RABEP2: variants seen among roughly 807,000 people sequenced by gnomAD.
RABEP2 encodes rabaptin, RAB GTPase binding effector protein 2.
RABEP2 carries 57 observed loss-of-function variants against 74.1 expected under a neutral mutation model. The ratio of observed to expected loss-of-function variants is 0.77; its 90% CI spans 0.62 to 0.96. The LOEUF is 0.96. Among genes scored for constraint, RABEP2 ranks in the 40% least tolerant of loss-of-function variants. RABEP2 has a pLI of 0.00. For missense variants in RABEP2, 692 were observed against 756.3 expected (o/e 0.91, Z 1.00); for synonymous variants, 351 against 344.0 (o/e 1.02, Z -0.23).
intron 8 of RABEP2, 73 bp from the exon 9 acceptor site, chr16:28,906,269 G>C: frequency 6.8e-7 from 1 of 1,462,630 alleles, no homozygotes; most frequent in Non-Finnish European, 9.0e-7. Flanking sequence ...CAGCCAGACG[G>C]GGATTGTCGG....
At chr16:28,906,493 G>A (rs545363254) in intron 8 of RABEP2, among the ~76,000 whole-genome samples, 10 of 152,274 alleles carry the variant, frequency 6.6e-5, no homozygotes, top group East Asian at 3.9e-4. Context: ...TGCCGGGCGC[G>A]GTGGCTCACA....
At chr16:28,908,476 C>T (rs1596695395) in intron 8 of RABEP2, 133 bp downstream of exon 8, 21 of 909,840 alleles carry the variant, frequency 2.3e-5, no homozygotes, top group Non-Finnish European at 3.2e-5. Flanking sequence ...GGAAACTGAG[C>T]CTTAGAGAAG....
At chr16:28,915,293 A>C (rs1964376337) in intron 3 of RABEP2, among the ~76,000 whole-genome samples, 1 of 149,606 alleles carries the variant, frequency 6.7e-6, no homozygotes. Context: ...TCCAGGCCTC[A>C]AGTGATCCTC....
chr16:28,916,987 CAAA>C (rs568583339), intron 3 of RABEP2, among the ~76,000 whole-genome samples: 5 of 92,282 alleles, frequency 5.4e-5, no homozygotes, highest in African/African-American at 4.0e-5. Flanking sequence ...GACTCCATCT[CAAA>C]AAAAAAAAAA....
At position 28,904,971 on chromosome 16, in the gene RABEP2, G is replaced by GT. The variant is rs759294511; in HGVS notation, c.1681dup (p.Thr561AsnfsTer31). 5 of 1,612,820 alleles carry GT rather than the reference G, an allele frequency of 3.1e-6. No homozygotes were observed. The East Asian group carries it at 8.9e-5, about 29-fold the overall frequency. ...GGTGTCCTTGATGTCCCTGACGTCC[G>GT]TGAGTGGCGCCTCATCCATGATGCT... is the stretch of plus-strand genomic sequence containing the variant. On this transcript the variant is annotated frameshift_variant, in exon 13 of 13. Transcript: ENST00000358201. LOFTEE classifies it high-confidence loss of function.
At position 28,914,766 on chromosome 16, in the gene RABEP2, T is replaced by A; in HGVS notation, c.449A>T (p.Glu150Val). ...GGGCAGTACGATCTCCCGCAGCTTCTCCGAGTCCTCGTGGGCCTGGAGGGA... is the reference window on the plus strand; with the variant it reads ...GGGCAGTACGATCTCCCGCAGCTTCACCGAGTCCTCGTGGGCCTGGAGGGA... ...KQMEKAHEDS[E>V]KLREIVLPME... Residue 150 changes from glutamate to valine, a missense_variant, in exon 4 of 13, where the codon GAG becomes GTG. Physicochemically the swap from Glu to Val is moderately radical, Grantham distance 121 (BLOSUM62 -2). Transcript: ENST00000358201. 1.2e-6 allele frequency: 2 copies of A among 1,613,954 alleles called. No homozygotes were observed. Among genetic ancestry groups the A allele is most frequent in the East Asian group, 4.5e-5 (2 of 44,856 alleles).
At chr16:28,907,162 GT>G (rs58982936) in intron 8 of RABEP2, among the ~76,000 whole-genome samples, 43 of 127,922 alleles carry the variant, frequency 3.4e-4, no homozygotes, top group Non-Finnish European at 3.7e-4. Flanking sequence ...TTTTGCCTTT[GT>G]TTTTTTTTTT....
chr16:28,924,715 G>T, intron 1 of RABEP2, 100 bp from the exon 2 acceptor site: 2 of 1,139,584 alleles, frequency 1.8e-6, no homozygotes, highest in Non-Finnish European at 2.6e-6. Flanking sequence ...TTCATCTGGG[G>T]CCTCCTTCAC....
At chr16:28,922,633 G>A (rs1964481994) in intron 2 of RABEP2, among the ~76,000 whole-genome samples, 1 of 152,124 alleles carries the variant, frequency 6.6e-6, no homozygotes, top group Non-Finnish European at 1.5e-5. Context: ...GCTGAGGCAG[G>A]AGAATAGCAT....
chr16:28,910,028 CAAA>C (rs779404464), intron 7 of RABEP2, among the ~76,000 whole-genome samples: 5,990 of 68,942 alleles, frequency 0.087, 250 homozygotes, highest in African/African-American at 0.23. Flanking sequence ...GACTCCGTCT[CAAA>C]AAAAAAAAAA....
chr16:28,919,590 T>A (rs1421006385), intron 3 of RABEP2, 196 bp downstream of exon 3: 1 of 453,444 alleles, frequency 2.2e-6, no homozygotes, highest in African/African-American at 2.0e-5. Context: ...TAAGCGAACT[T>A]GGTCACCCAC....
chr16:28,925,187 C>A lies in RABEP2; in HGVS notation c.-24G>T, dbSNP rs1326729655. On this transcript the variant is annotated 5_prime_UTR_variant, in exon 1 of 13. Coordinates refer to ENST00000358201, the MANE Select transcript of RABEP2 (RefSeq NM_024816.3). ...ATTGCCTCAGCGCAAACGGCGGATT[C>A]CCGCACTCCCTGGTGACGGAGCGCA... 1.3e-6 allele frequency: 2 copies of A among 1,524,520 alleles called. No homozygotes were observed. Among genetic ancestry groups the A allele is most frequent in the East Asian group, 2.5e-5 (1 of 40,242 alleles). The allele number at this position is 1,524,520 out of a possible 1,614,324, so 94.4% of individuals were successfully genotyped here. A position where few individuals can be genotyped will look rare whatever the true frequency, so the allele number is the denominator to read the frequency against.
chr16:28,914,110 A>AG (rs1398499395), intron 5 of RABEP2, 126 bp downstream of exon 5: 8 of 757,960 alleles, frequency 1.1e-5, no homozygotes, highest in Admixed American at 3.0e-5. Flanking sequence ...CTTCACCAGG[A>AG]GGGGGGCCTC....
intron 1 of RABEP2, 37 bp from the exon 2 acceptor site, chr16:28,924,652 T>C (rs1567500726): frequency 6.3e-7 from 1 of 1,575,678 alleles, no homozygotes; most frequent in South Asian, 1.1e-5. Flanking sequence ...TTCCCATCTC[T>C]TACCCCAGGC....
chr16:28,920,786 C>T (rs1964460044), intron 2 of RABEP2, among the ~76,000 whole-genome samples: 2 of 152,110 alleles, frequency 1.3e-5, no homozygotes, highest in South Asian at 2.1e-4. Context: ...TGGTGAGCTA[C>T]ACCCATTAAC....
chr16:28,912,868 C>G (rs1211500695), intron 5 of RABEP2, among the ~76,000 whole-genome samples: 1 of 152,192 alleles, frequency 6.6e-6, no homozygotes, highest in Non-Finnish European at 1.5e-5. Context: ...CTTCTCTCCT[C>G]CCCGGTGGCC....
chr16:28,920,766 T>C (rs1426059101), intron 2 of RABEP2, among the ~76,000 whole-genome samples: 1 of 152,196 alleles, frequency 6.6e-6, no homozygotes, highest in Non-Finnish European at 1.5e-5. Context: ...TATGTATACA[T>C]GTGCCATGTT....
At position 28,925,107 on chromosome 16, in the gene RABEP2, C is replaced by T. The variant is rs1022566569; in HGVS notation, c.57G>A (p.Gly19=). 1 of 1,539,912 alleles carries T rather than the reference C, an allele frequency of 6.5e-7. No individual in the cohort carries two copies. Among genetic ancestry groups the T allele is most frequent in the Middle Eastern group, 1.7e-4 (1 of 5,968 alleles). ...ADDDERRRRP[G]AALEDSRSQE... is the part of the protein sequence containing the mutation. ...CACGGACGCCCCCTCACGTACCAGC[C>T]CCCGGCCGCCGCCGCCGCTCATCGT... The change falls in exon 1 of 13, where the codon GGG becomes GGA. Residue 19 remains glycine (G), a synonymous_variant. Transcript: ENST00000358201.
chr16:28,905,929 G>A (rs751075976), intron 9 of RABEP2, 51 bp from the exon 10 acceptor site: 18 of 1,612,968 alleles, frequency 1.1e-5, no homozygotes, highest in Admixed American at 3.3e-5. Context: ...TCCCCTCCCC[G>A]CTGCTGCCCA....
Sources: gnomAD v4.1 joint callset for allele counts (sites outside exome capture counted in the v4.1 genomes callset) on GRCh38, gnomAD v4.1.1 for gene constraint, MANE v1.5 for transcripts, NCBI Gene and HGNC (gene_info 2026-07-23, HGNC 2026-07-21) for gene names.